CNTN5: variants seen among roughly 807,000 people sequenced by gnomAD.
CNTN5 encodes contactin 5.
In CNTN5, 77 loss-of-function variants were observed where a neutral mutation model predicts 129.1. That is an observed-to-expected ratio of 0.60 (90% CI 0.50 to 0.72). The LOEUF is 0.72. CNTN5 is among the 30% of genes least tolerant of loss of function. The probability of loss-of-function intolerance (pLI) is 0.00; values close to 1 mark genes in which losing one functional copy is unlikely to be tolerated. For synonymous variants in CNTN5, 509 were observed against 465.6 expected (o/e 1.09, Z -1.20); for missense variants, 1,478 against 1,328.8 (o/e 1.11, Z -1.75).
At chr11:99,692,396 T>C (rs1954076513) in intron 3 of CNTN5, among the ~76,000 whole-genome samples, 1 of 152,192 alleles carries the variant, frequency 6.6e-6, no homozygotes, top group Non-Finnish European at 1.5e-5. Context: ...TTTCCGTGTT[T>C]AGTGCTTCCT....
At chr11:99,530,408 T>C (rs1167706733) in intron 2 of CNTN5, among the ~76,000 whole-genome samples, 4 of 152,222 alleles carry the variant, frequency 2.6e-5, no homozygotes, top group Admixed American at 2.0e-4. Flanking sequence ...ATTTCCCTCA[T>C]TGATTCATAC....
intron 18 of CNTN5, among the ~76,000 whole-genome samples, chr11:100,286,634 G>A (rs1339118097): frequency 2.0e-5 from 3 of 147,172 alleles, no homozygotes; most frequent in East Asian, 3.9e-4. Flanking sequence ...ACCAAAAGTA[G>A]ATAAAACCAC....
At chr11:99,634,714 G>C (rs2135815326) in intron 3 of CNTN5, among the ~76,000 whole-genome samples, 1 of 152,232 alleles carries the variant, frequency 6.6e-6, no homozygotes, top group Admixed American at 6.5e-5. Flanking sequence ...GTATTCCTAA[G>C]GATTAGGAAC....
At chr11:99,880,890 T>C (rs768945003) in intron 6 of CNTN5, among the ~76,000 whole-genome samples, 14 of 152,334 alleles carry the variant, frequency 9.2e-5, no homozygotes, top group Admixed American at 5.9e-4. Flanking sequence ...GGAAATGTTA[T>C]GACTTTTTTA....
chr11:99,250,148 A>G (rs1862025996), intron 1 of CNTN5, among the ~76,000 whole-genome samples: 1 of 151,936 alleles, frequency 6.6e-6, no homozygotes. Context: ...ACATGTTGGC[A>G]TTGTCTTGGT....
At chr11:99,408,380 A>AAAC (rs1555137697) in intron 2 of CNTN5, among the ~76,000 whole-genome samples, 1 of 134,010 alleles carries the variant, frequency 7.5e-6, no homozygotes, top group African/African-American at 2.9e-5. Context: ...AAAAAAAAAA[A>AAAC]AAAGAAAGAA....
chr11:99,379,231 T>G (rs1940374352), intron 2 of CNTN5, among the ~76,000 whole-genome samples: 1 of 149,824 alleles, frequency 6.7e-6, no homozygotes, highest in African/African-American at 2.4e-5. Context: ...ATACCTGACA[T>G]CTACTAAATA....
At chr11:100,060,921 G>A (rs1435368838) in intron 9 of CNTN5, among the ~76,000 whole-genome samples, 2 of 151,396 alleles carry the variant, frequency 1.3e-5, no homozygotes, top group Admixed American at 6.6e-5. Flanking sequence ...GATTACAGGT[G>A]TGAGCCACTG....
chr11:99,677,752 A>G (rs954839274), intron 3 of CNTN5, among the ~76,000 whole-genome samples: 6 of 152,130 alleles, frequency 3.9e-5, no homozygotes, highest in Non-Finnish European at 8.8e-5. Flanking sequence ...GTTGGTGATT[A>G]CAGTATAAAT....
intron 3 of CNTN5, among the ~76,000 whole-genome samples, chr11:99,681,724 A>T (rs1369514569): frequency 6.6e-6 from 1 of 152,076 alleles, no homozygotes; most frequent in African/African-American, 2.4e-5. Flanking sequence ...TACACCTATA[A>T]TTATGTTCAT....
At chr11:100,098,510 A>C (rs972390010) in intron 13 of CNTN5, among the ~76,000 whole-genome samples, 1 of 152,034 alleles carries the variant, frequency 6.6e-6, no homozygotes, top group African/African-American at 2.4e-5. Flanking sequence ...TCTATTAGGA[A>C]ATATTAGTTC....
chr11:99,172,881 C>T (rs374378713), intron 1 of CNTN5, among the ~76,000 whole-genome samples: 1 of 152,094 alleles, frequency 6.6e-6, no homozygotes, highest in South Asian at 2.1e-4. Context: ...AAGTATAATT[C>T]TTGTATTAGT....
chr11:99,641,911 C>T (rs1951786387), intron 3 of CNTN5, among the ~76,000 whole-genome samples: 1 of 152,154 alleles, frequency 6.6e-6, no homozygotes, highest in Non-Finnish European at 1.5e-5. Flanking sequence ...TCTTCCTCAT[C>T]CCACCTCTTT....
chr11:99,666,794 G>T (rs1443555007), intron 3 of CNTN5, among the ~76,000 whole-genome samples: 1 of 152,122 alleles, frequency 6.6e-6, no homozygotes, highest in Non-Finnish European at 1.5e-5. Context: ...CTTAGCCTCA[G>T]CTCCAGTCAG....
intron 6 of CNTN5, among the ~76,000 whole-genome samples, chr11:99,847,729 T>C (rs1281215381): frequency 6.6e-6 from 1 of 151,988 alleles, no homozygotes; most frequent in Non-Finnish European, 1.5e-5. Flanking sequence ...ATATGGGCAG[T>C]AGGGAGAAAA....
At chr11:99,499,584 C>T (rs1164451380) in intron 2 of CNTN5, among the ~76,000 whole-genome samples, 1 of 152,126 alleles carries the variant, frequency 6.6e-6, no homozygotes, top group Non-Finnish European at 1.5e-5. Flanking sequence ...TATCTGTATC[C>T]TGTTATAGCA....
intron 21 of CNTN5, among the ~76,000 whole-genome samples, chr11:100,313,091 GA>G (rs938484261): frequency 4.6e-5 from 7 of 151,846 alleles, no homozygotes; most frequent in Admixed American, 2.0e-4. Context: ...TATGGGTTAT[GA>G]AAAAAAGTTT....
chr11:99,440,514 A>C (rs1376785408), intron 2 of CNTN5, among the ~76,000 whole-genome samples: 2 of 152,142 alleles, frequency 1.3e-5, no homozygotes, highest in South Asian at 2.1e-4. Context: ...TTCTGCAAAG[A>C]CTTTCAGAAT....
intron 16 of CNTN5, among the ~76,000 whole-genome samples, chr11:100,238,243 T>TA (rs1805113088): frequency 6.6e-6 from 1 of 151,984 alleles, no homozygotes; most frequent in Admixed American, 6.6e-5. Flanking sequence ...GTAGTTTAAT[T>TA]AAAAAATGAC....
Sources: gnomAD v4.1 joint callset for allele counts (sites outside exome capture counted in the v4.1 genomes callset) on GRCh38, gnomAD v4.1.1 for gene constraint, MANE v1.5 for transcripts, NCBI Gene and HGNC (gene_info 2026-07-23, HGNC 2026-07-21) for gene names.